Variants in CACTIN observed in about 807,000 individuals in gnomAD.
CACTIN encodes the protein cactin, spliceosome C complex subunit.
CACTIN carries 20 observed loss-of-function variants against 84.9 expected under a neutral mutation model. That is an observed-to-expected ratio of 0.24 (90% CI 0.17 to 0.34). The LOEUF is 0.34. CACTIN is among the 10% of genes least tolerant of loss of function. The probability of loss-of-function intolerance (pLI) is 1.00; values close to 1 mark genes in which losing one functional copy is unlikely to be tolerated. For missense variants in CACTIN, 897 were observed against 1,117.2 expected (o/e 0.80, Z 2.81); for synonymous variants, 549 against 467.9 (o/e 1.17, Z -2.24).
chr19:3,621,106 C>T, intron 2 of CACTIN: 1 of 483,396 alleles, frequency 2.1e-6, no homozygotes, highest in East Asian at 4.1e-5. Context: ...TTGCTCGGGG[C>T]CACCCCAGCC....
chr19:3,623,400 G>A (rs1020068688), intron 2 of CACTIN, among the ~76,000 whole-genome samples: 6 of 152,090 alleles, frequency 3.9e-5, no homozygotes, highest in African/African-American at 1.4e-4. Context: ...GTGGTAGCGG[G>A]CGCCTGTAGC....
rs1339685936 is a variant in CACTIN at position 3,626,737 on chromosome 19, G to C, written c.26C>G (p.Ser9Trp). Residue 9 changes from serine to tryptophan, a missense_variant, in exon 1 of 10, where the codon TCG (serine) becomes TGG (tryptophan). By Grantham distance (177) the Ser-to-Trp change is radical. Around this residue, in one of 8 missense-constraint regions of CACTIN, gnomAD observed 261 missense variants for 243.8 expected, o/e 1.07. Transcript: ENST00000429344. ...TCGGCCCCGGCGACCCGCGGACCGCGAGCGCGAGCGTGTGTCCCGACCCAT... is the reference window on the plus strand; with the variant it reads ...TCGGCCCCGGCGACCCGCGGACCGCCAGCGCGAGCGTGTGTCCCGACCCAT... MGRDTRSRSRSAGRRGRRR... is the reference protein window; with the variant it reads MGRDTRSRWRSAGRRGRRR... 1.3e-6 allele frequency: 2 copies of C among 1,489,474 alleles called. No homozygotes were observed. The highest frequency in any genetic ancestry group is 1.3e-5 in the South Asian group (1 of 78,386). The allele number at this position is 1,489,474 out of a possible 1,614,324, so 92.3% of individuals were successfully genotyped here. A position where few individuals can be genotyped will look rare whatever the true frequency, so the allele number is the denominator to read the frequency against.
At position 3,619,006 on chromosome 19, in the gene CACTIN, GGGGTCAGGACAC is replaced by G. The variant is rs780176575; in HGVS notation, c.1048-29_1048-18del. 100 of 1,550,868 alleles carry G rather than the reference GGGGTCAGGACAC, an allele frequency of 6.4e-5. No homozygotes were observed. Among genetic ancestry groups the G allele is most frequent in the Admixed American group, 9.8e-5 (5 of 50,992 alleles). Reference sequence around the variant, plus strand: ...CATGTAGACCTGGGGGCAGGGGGCAGGGGTCAGGACACGGGTGTGGCTGGGGTGGGGGTGAGG... The same window carrying G: ...CATGTAGACCTGGGGGCAGGGGGCAGGGGTGTGGCTGGGGTGGGGGTGAGG... On this transcript the variant is annotated intron_variant, in intron 5 of 9. Transcript: ENST00000429344.
chr19:3,614,570 G>C lies in CACTIN; in HGVS notation c.1182C>G (p.Val394=). ...GCACATCAGAGCTGACGGAGGCGTT[G>C]ACCCCCTCGCGGCGCTCACCTGCAG... ...GKGPGERREG[V]NASVSSDVQS... Residue 394 remains valine (V), a synonymous_variant, in exon 7 of 10, where the codon GTC becomes GTG. Coordinates refer to ENST00000429344, the MANE Select transcript of CACTIN (RefSeq NM_001080543.2). The C allele has an allele frequency of 6.2e-7, 1 of 1,605,340 alleles. No homozygotes were observed. Among genetic ancestry groups the C allele is most frequent in the South Asian group, 1.1e-5 (1 of 89,562 alleles).
At chr19:3,612,441 C>T in intron 9 of CACTIN, 28 bp from the exon 10 acceptor site, 4 of 1,548,718 alleles carry the variant, frequency 2.6e-6, no homozygotes, top group Non-Finnish European at 3.5e-6. Flanking sequence ...TTCACCCGGG[C>T]CTCGGCCTCC....
chr19:3,618,888 C>G lies in CACTIN; in HGVS notation c.1149G>C (p.Ser383=). Residue 383 remains serine, a synonymous_variant, in exon 6 of 10, where the codon TCG becomes TCC. Coordinates refer to ENST00000429344, the MANE Select transcript of CACTIN (RefSeq NM_001080543.2). ...GCCCGCCGTTACCTGGCCCCTTGCC[C>G]GAGGCCTCCAGCTTGCGGAGCTTGG... is the stretch of plus-strand genomic sequence containing the variant. ...EISKLRKLEA[S]GKGPGERREG... 6.4e-7 allele frequency: 1 copy of G among 1,552,874 alleles called. No individual in the cohort carries two copies. The highest frequency in any genetic ancestry group is 8.7e-7 in the Non-Finnish European group (1 of 1,147,902).
Position 3,614,560 on chromosome 19 carries a change from C to G in CACTIN, c.1192G>C (p.Val398Leu). Residue 398 changes from valine (V) to leucine (L), a missense_variant, in exon 7 of 10, where the codon GTC becomes CTC. Val to Leu is a conservative substitution (Grantham distance 32). Around this residue, in one of 8 missense-constraint regions of CACTIN, gnomAD observed 304 missense variants for 444.3 expected, o/e 0.68. Coordinates refer to ENST00000429344, the MANE Select transcript of CACTIN (RefSeq NM_001080543.2). ...AACACCGACTGCACATCAGAGCTGACGGAGGCGTTGACCCCCTCGCGGCGC... is the reference window on the plus strand; with the variant it reads ...AACACCGACTGCACATCAGAGCTGAGGGAGGCGTTGACCCCCTCGCGGCGC... ...GERREGVNAS[V>L]SSDVQSVFKG... 1.2e-6 allele frequency: 2 copies of G among 1,607,430 alleles called. No individual in the cohort carries two copies. The highest frequency in any genetic ancestry group is 1.7e-6 in the Non-Finnish European group (2 of 1,177,204).
In CACTIN at chr19:3,612,348, C is replaced by G; in HGVS notation, c.1852G>C (p.Glu618Gln). Reference sequence around the variant, plus strand: ...GGCATCTCCACGCTGAACTGCGCCTCGTCCTGGCCCATGCCCTCCTTGGCC... The same window carrying G: ...GGCATCTCCACGCTGAACTGCGCCTGGTCCTGGCCCATGCCCTCCTTGGCC... ...RRAKEGMGQD[E>Q]AQFSVEMPLT... Residue 618 changes from glutamate to glutamine, a missense_variant, in exon 10 of 10, where the codon GAG becomes CAG. Glu to Gln is a conservative substitution (Grantham distance 29). Transcript: ENST00000429344. The G allele has an allele frequency of 1.2e-6, 2 of 1,610,824 alleles. No homozygotes were observed. Among genetic ancestry groups the G allele is most frequent in the Non-Finnish European group, 1.7e-6 (2 of 1,179,592 alleles).
At chr19:3,612,547 G>T in intron 9 of CACTIN, 134 bp from the exon 10 acceptor site, 1 of 1,325,536 alleles carries the variant, frequency 7.5e-7, no homozygotes, top group Non-Finnish European at 1.0e-6. Context: ...TAAGGCACAT[G>T]GGGAGGGGAC....
rs1282676938 is a variant in CACTIN at position 3,612,809 on chromosome 19, C to G, written c.1786+249G>C. On this transcript the variant is annotated intron_variant, in intron 9 of 9. Coordinates refer to ENST00000429344, the MANE Select transcript of CACTIN (RefSeq NM_001080543.2). ...GGACGGAGGCTGCCCAGGGAGTGCT[C>G]GGACAGCGGCCGGTAAAAGCTTCCA... 9.9e-6 allele frequency: 7 copies of G among 706,826 alleles called. No individual in the cohort carries two copies. In the Admixed American group the frequency reaches 1.2e-4, roughly 12 times the overall value. 43.8% of individuals were successfully genotyped at this position (706,826 alleles called of 1,614,324 possible). A position where few individuals can be genotyped will look rare whatever the true frequency, so the allele number is the denominator to read the frequency against.
Position 3,624,058 on chromosome 19 carries a change from C to A in CACTIN, c.272G>T (p.Gly91Val). ...SRDGSSQSDS[G>V]EEQSRGQWAR... The stretch of plus-strand genomic sequence containing the variant: ...CCACTGGCCCCGTGACTGCTCCTCT[C>A]CTGAGTCCGACTGAGAGGACCCATC... The change falls in exon 2 of 10, where the codon GGA becomes GTA. Residue 91 changes from glycine to valine, a missense_variant. Physicochemically the swap from Gly to Val is moderately radical, Grantham distance 109 (BLOSUM62 -3). Transcript: ENST00000429344. 1 of 1,604,392 alleles carries A rather than the reference C, an allele frequency of 6.2e-7. No homozygotes were observed. The highest frequency in any genetic ancestry group is 8.5e-7 in the Non-Finnish European group (1 of 1,179,680).
At position 3,615,338 on chromosome 19, in the gene CACTIN, G is replaced by A. The variant is rs149630240; in HGVS notation, c.1163-749C>T. ...CTCCGCGTGCTCTGCCCCACACCAC[G>A]TGGCATCCCGGCGGCCTCAGTGCTG... On this transcript the variant is annotated intron_variant, in intron 6 of 9. Transcript: ENST00000429344. This position sits in a 1 kb window ranked among gnomAD's most constrained non-coding sequence, Gnocchi z 5.2. The A allele has an allele frequency of 2.1e-3, 323 of 153,920 alleles. No individual in the cohort carries two copies. The highest frequency in any genetic ancestry group is 1.4e-3 in the Non-Finnish European group (94 of 69,250). The allele number at this position is 153,920 out of a possible 1,614,324, so 9.5% of individuals were successfully genotyped here.
At chr19:3,614,322 AC>A in intron 7 of CACTIN, 74 bp downstream of exon 7, 1 of 1,416,380 alleles carries the variant, frequency 7.1e-7, no homozygotes, top group Non-Finnish European at 9.7e-7. Context: ...GACCCACCCC[AC>A]CCAGGACTCA....
chr19:3,612,843 G>A (rs1555709336), intron 9 of CACTIN: 1 of 728,246 alleles, frequency 1.4e-6, no homozygotes, highest in South Asian at 1.5e-5. Flanking sequence ...CACCACCTGT[G>A]GCCCCAAGGC....
intron 4 of CACTIN, 118 bp from the exon 5 acceptor site, chr19:3,619,360 T>C: frequency 7.9e-7 from 1 of 1,264,776 alleles, no homozygotes; most frequent in South Asian, 1.5e-5. Context: ...CCGTTGGGGG[T>C]GGTCAGGGAA....
In CACTIN at chr19:3,613,222, A is replaced by C; in HGVS notation, c.1622T>G (p.Leu541Arg). 1 of 1,610,476 alleles carries C rather than the reference A, an allele frequency of 6.2e-7. No homozygotes were observed. Among genetic ancestry groups the C allele is most frequent in the Non-Finnish European group, 8.5e-7 (1 of 1,178,658 alleles). The change falls in exon 9 of 10, where the codon CTC (leucine) becomes CGC (arginine). Residue 541 changes from leucine (L) to arginine (R), a missense_variant. Coordinates refer to ENST00000429344, the MANE Select transcript of CACTIN (RefSeq NM_001080543.2). ...GEGEGEGEAV[L>R]MEEDLIQQSL... Reference sequence around the variant, plus strand: ...CTGCTGGATCAGGTCCTCCTCCATGAGCACCGCCTCGCCCTCGCCCTCGCC... The same window carrying C: ...CTGCTGGATCAGGTCCTCCTCCATGCGCACCGCCTCGCCCTCGCCCTCGCC...
Position 3,611,891 on chromosome 19 carries a change from C to A in CACTIN, c.*32G>T, listed in dbSNP as rs751436538. ...CACCGAAGCCCCTTTACTGTGCCCCCGAGGACACCTGCCTGCCGTTCCCCA... is the reference window on the plus strand; with the variant it reads ...CACCGAAGCCCCTTTACTGTGCCCCAGAGGACACCTGCCTGCCGTTCCCCA... On this transcript the variant is annotated 3_prime_UTR_variant, in exon 10 of 10. Coordinates refer to ENST00000429344, the MANE Select transcript of CACTIN (RefSeq NM_001080543.2). 3 of 1,606,882 alleles carry A rather than the reference C, an allele frequency of 1.9e-6. No homozygotes were observed. Among genetic ancestry groups the A allele is most frequent in the Non-Finnish European group, 1.7e-6 (2 of 1,178,368 alleles).
At chr19:3,620,986 C>G in intron 2 of CACTIN, 184 bp from the exon 3 acceptor site, 1 of 696,664 alleles carries the variant, frequency 1.4e-6, no homozygotes, top group Non-Finnish European at 2.6e-6. Context: ...TCAGTGCAGA[C>G]ATGGAGCCCC....
chr19:3,625,921 C>A (rs2033323138), intron 1 of CACTIN, among the ~76,000 whole-genome samples: 1 of 152,224 alleles, frequency 6.6e-6, no homozygotes, highest in Non-Finnish European at 1.5e-5. Context: ...GCCCCATCTC[C>A]AGAAGAAAAG....
Sources: gnomAD v4.1 joint callset for allele counts (sites outside exome capture counted in the v4.1 genomes callset) on GRCh38, gnomAD v4.1.1 for gene constraint, gnomAD v4.1.1 regional missense constraint, Gnocchi (gnomAD v3.1) non-coding constraint, MANE v1.5 for transcripts, NCBI Gene and HGNC (gene_info 2026-07-23, HGNC 2026-07-21) for gene names.